Variants in MAST4 observed in about 807,000 individuals in gnomAD.
MAST4 encodes microtubule associated serine/threonine kinase family member 4.
In MAST4, 89 loss-of-function variants were observed where a neutral mutation model predicts 162.7. The ratio of observed to expected loss-of-function variants is 0.55; its 90% CI spans 0.46 to 0.65. The LOEUF is 0.65. Among genes scored for constraint, MAST4 ranks in the 30% least tolerant of loss-of-function variants. MAST4 has a pLI of 0.00. For missense variants in MAST4, 3,153 were observed against 3,374.0 expected (o/e 0.93, Z 1.62); for synonymous variants, 1,479 against 1,361.1 (o/e 1.09, Z -1.91).
At chr5:66,906,849 AC>A (rs1392670274) in intron 4 of MAST4, among the ~76,000 whole-genome samples, 1 of 152,166 alleles carries the variant, frequency 6.6e-6, no homozygotes. Context: ...TTGGTTAGGC[AC>A]AGTAAAGGGT....
At chr5:67,105,643 G>A (rs574397756) in intron 10 of MAST4, among the ~76,000 whole-genome samples, 1 of 152,302 alleles carries the variant, frequency 6.6e-6, no homozygotes, top group South Asian at 2.1e-4. Flanking sequence ...TAAACTAAAA[G>A]GAAAATGAAT....
chr5:66,933,146 T>C (rs1742350020), intron 4 of MAST4, among the ~76,000 whole-genome samples: 1 of 152,206 alleles, frequency 6.6e-6, no homozygotes, highest in Admixed American at 6.5e-5. Context: ...ATTCTGTTCA[T>C]ATCTCTTTAA....
intron 2 of MAST4, among the ~76,000 whole-genome samples, chr5:66,767,773 G>A (rs1192513295): frequency 3.3e-5 from 5 of 152,186 alleles, no homozygotes; most frequent in Non-Finnish European, 7.3e-5. Context: ...AGGGCAGGAA[G>A]CATCCAGCAC....
At chr5:66,876,436 A>T (rs26922) in intron 3 of MAST4, among the ~76,000 whole-genome samples, 131,431 of 152,088 alleles carry the variant, frequency 0.86, 57,116 homozygotes, top group Non-Finnish European at 0.92. Context: ...CAGGCCAAGA[A>T]GAGGTGGAAG....
At position 67,163,543 on chromosome 5, in the gene MAST4, G is replaced by GCAGTGACAA. The variant is rs772390980; in HGVS notation, c.4365_4373dup (p.Asp1457_Lys1458insAsnSerAsp). Reference sequence around the variant, plus strand: ...GAGGAGAAGCTGTCGCCCTCTTACGGCAGTGACAAGAAGCACCTGTGCTCC... The same window carrying GCAGTGACAA: ...GAGGAGAAGCTGTCGCCCTCTTACGGCAGTGACAACAGTGACAAGAAGCACCTGTGCTCC... On this transcript the variant is annotated inframe_insertion, in exon 29 of 29. Transcript: ENST00000403625. This position sits in a 1 kb window ranked among gnomAD's most constrained non-coding sequence, Gnocchi z 7.0. 6.3e-7 allele frequency: 1 copy of GCAGTGACAA among 1,599,984 alleles called. No individual in the cohort carries two copies. The highest frequency in any genetic ancestry group is 2.3e-5 in the East Asian group (1 of 43,964).
Position 66,705,754 on chromosome 5 carries a change from TAATC to T in MAST4, c.364-53953_364-53950del, listed in dbSNP as rs201671757. Among the ~76,000 whole-genome samples the T allele has an allele frequency of 3.2e-4, 48 of 152,352 alleles. No individual in the cohort carries two copies. The East Asian group carries it at 8.7e-3, about 28-fold the overall frequency. On this transcript the variant is annotated intron_variant, in intron 1 of 28. Coordinates refer to ENST00000403625, the MANE Select transcript of MAST4 (RefSeq NM_001164664.2). ...TATTCATTTTGCTGTAATAAAGGGT[TAATC>T]AGTCATGCAATGAAAATTAATAAAT...
chr5:67,042,954 AT>A (rs1261479171), intron 4 of MAST4, among the ~76,000 whole-genome samples: 3 of 152,246 alleles, frequency 2.0e-5, no homozygotes, highest in Non-Finnish European at 4.4e-5. Context: ...GCAGAACGTT[AT>A]GCCAAACTGC....
chr5:66,935,593 T>C (rs994035918), intron 4 of MAST4, among the ~76,000 whole-genome samples: 1 of 152,138 alleles, frequency 6.6e-6, no homozygotes, highest in Admixed American at 6.5e-5. Flanking sequence ...CACTTGTAGC[T>C]GCATTTGCCA....
chr5:67,049,022 CGTATATATATATATATAT>C (rs1757755051), intron 4 of MAST4, among the ~76,000 whole-genome samples: 2 of 81,940 alleles, frequency 2.4e-5, no homozygotes, highest in African/African-American at 5.7e-5. Flanking sequence ...TATATATATA[CGTATATATATATATATAT>C]ACGTGTATAT....
At chr5:66,860,770 C>CAA (rs34973337) in intron 3 of MAST4, among the ~76,000 whole-genome samples, 50 of 129,166 alleles carry the variant, frequency 3.9e-4, no homozygotes, top group African/African-American at 1.3e-3. Context: ...AAAACAAAAC[C>CAA]AAAAAAAAAA....
chr5:67,099,164 T>C (rs1310507776), intron 7 of MAST4, among the ~76,000 whole-genome samples: 2 of 151,842 alleles, frequency 1.3e-5, no homozygotes, highest in African/African-American at 4.8e-5. Flanking sequence ...CCTGCTTGCA[T>C]TGATTTTATT....
intron 1 of MAST4, among the ~76,000 whole-genome samples, chr5:66,619,304 G>C (rs1007450960): frequency 3.9e-5 from 6 of 152,124 alleles, no homozygotes; most frequent in African/African-American, 1.4e-4. Flanking sequence ...TAGGGACTTG[G>C]TGAGTGAGAG....
chr5:66,982,993 T>C (rs905898501), intron 4 of MAST4, among the ~76,000 whole-genome samples: 1 of 152,216 alleles, frequency 6.6e-6, no homozygotes, highest in African/African-American at 2.4e-5. Flanking sequence ...AGGAGAGTTA[T>C]AGCTTTTATT....
intron 4 of MAST4, among the ~76,000 whole-genome samples, chr5:66,990,073 A>T (rs566304797): frequency 6.6e-6 from 1 of 152,186 alleles, no homozygotes; most frequent in Admixed American, 6.5e-5. Flanking sequence ...GTAAGAAGTT[A>T]ATTTTATAAA....
At chr5:66,919,525 G>A (rs913031112) in intron 4 of MAST4, among the ~76,000 whole-genome samples, 1 of 151,952 alleles carries the variant, frequency 6.6e-6, no homozygotes, top group South Asian at 2.1e-4. Context: ...GCCAGGCATG[G>A]TGGCACACGC....
At position 66,895,827 on chromosome 5, in the gene MAST4, T is replaced by G. The variant is rs61632654; in HGVS notation, c.643-4124T>G. Among the ~76,000 whole-genome samples the G allele has an allele frequency of 9.4e-3, 1,430 of 152,324 alleles. 14 individuals are homozygous for G. The highest frequency in any genetic ancestry group is 0.031 in the African/African-American group (1,306 of 41,574). ...TTCCCTTCTCCCTGTCTCCCCCTTT[T>G]GATACACTTTCTTTCACATTTTGGA... On this transcript the variant is annotated intron_variant, in intron 3 of 28. Transcript: ENST00000403625.
intron 5 of MAST4, among the ~76,000 whole-genome samples, chr5:67,078,663 T>TTG (rs1388034877): frequency 1.6e-5 from 2 of 121,896 alleles, no homozygotes; most frequent in East Asian, 4.8e-4. Flanking sequence ...TATATTTATT[T>TTG]TATATTTATA....
chr5:66,606,885 T>A (rs1344562488), intron 1 of MAST4, among the ~76,000 whole-genome samples: 1 of 149,516 alleles, frequency 6.7e-6, no homozygotes, highest in East Asian at 2.1e-4. Flanking sequence ...GTATATGAAT[T>A]TACTCATTTA....
chr5:66,885,669 T>C (rs1447996859), intron 3 of MAST4, among the ~76,000 whole-genome samples: 4 of 152,212 alleles, frequency 2.6e-5, no homozygotes, highest in African/African-American at 9.6e-5. Context: ...GCAGAGTTCA[T>C]TTAAAAGCAC....
Sources: allele counts gnomAD v4.1 joint callset (sites outside exome capture counted in the v4.1 genomes callset), GRCh38; gene constraint gnomAD v4.1.1; non-coding constraint Gnocchi (gnomAD v3.1); transcripts MANE v1.5; gene names NCBI Gene and HGNC (gene_info 2026-07-23, HGNC 2026-07-21).